CDH6: variants seen among roughly 807,000 people sequenced by gnomAD.
CDH6 encodes cadherin 6.
Under a neutral mutation model 78.0 loss-of-function variants are expected in CDH6, and 31 were observed. The ratio of observed to expected loss-of-function variants is 0.40; its 90% CI spans 0.30 to 0.54. The LOEUF (loss-of-function observed/expected upper bound fraction) is 0.54, where lower values mean the gene tolerates loss of function less well. Ranked by LOEUF, CDH6 falls within the 20% of genes least tolerant of loss-of-function variation. The probability of loss-of-function intolerance (pLI) is 0.56; values close to 1 mark genes in which losing one functional copy is unlikely to be tolerated. For synonymous variants in CDH6, 376 were observed against 368.8 expected (o/e 1.02, Z -0.23); for missense variants, 724 against 975.9 (o/e 0.74, Z 3.44).
At chr5:31,201,400 G>T (rs1030051638) in intron 1 of CDH6, among the ~76,000 whole-genome samples, 1 of 152,032 alleles carries the variant, frequency 6.6e-6, no homozygotes, top group African/African-American at 2.4e-5. Context: ...GAGACCCAAA[G>T]TTGTATCCAT....
At chr5:31,268,567 G>A (rs1162889228) in intron 2 of CDH6, among the ~76,000 whole-genome samples, 1 of 152,164 alleles carries the variant, frequency 6.6e-6, no homozygotes, top group East Asian at 1.9e-4. Flanking sequence ...CAGGTTCTGT[G>A]CCTCATAAGG....
chr5:31,293,318 G>A (rs1737467889), intron 2 of CDH6, among the ~76,000 whole-genome samples: 1 of 152,052 alleles, frequency 6.6e-6, no homozygotes, highest in African/African-American at 2.4e-5. Context: ...TCAAGGTATT[G>A]CCCTTGGCAG....
intron 1 of CDH6, among the ~76,000 whole-genome samples, chr5:31,258,872 AG>A (rs1742130593): frequency 6.6e-6 from 1 of 152,218 alleles, no homozygotes; most frequent in East Asian, 1.9e-4. Flanking sequence ...TCATGTGGGC[AG>A]CAGCCTGGCA....
intron 3 of CDH6, among the ~76,000 whole-genome samples, chr5:31,295,443 A>G (rs539949737): frequency 6.6e-6 from 1 of 152,298 alleles, no homozygotes; most frequent in Non-Finnish European, 1.5e-5. Flanking sequence ...GCACAACTCT[A>G]GGGAGTGCCA....
chr5:31,302,840 GAAAGAAAGAAAGAGAA>G (rs1737833556), intron 6 of CDH6, among the ~76,000 whole-genome samples: 4 of 134,612 alleles, frequency 3.0e-5, no homozygotes, highest in African/African-American at 1.1e-4. Context: ...AAGAAAGAAA[GAAAGAAAGAAAGAGAA>G]AGAAAGGAAG....
chr5:31,308,573 G>A lies in CDH6; in HGVS notation c.1253+3146G>A, dbSNP rs112437443. ...GATATAAATTTAAATTACCTTGGAA[G>A]GAAAAAACAACAAACAAGCAAGGCT... On this transcript the variant is annotated intron_variant, in intron 7 of 11. Coordinates refer to ENST00000265071, the MANE Select transcript of CDH6 (RefSeq NM_004932.4). Among the ~76,000 whole-genome samples, 1,500 of 152,054 alleles carry A rather than the reference G, an allele frequency of 9.9e-3. 30 individuals carry two copies. The highest frequency in any genetic ancestry group is 0.034 in the African/African-American group (1,429 of 41,502).
rs3840334 is a variant in CDH6, at chr5:31,325,321, TACAC to T, written c.*2044_*2047del. On this transcript the variant is annotated 3_prime_UTR_variant, in exon 12 of 12. Coordinates refer to ENST00000265071, the MANE Select transcript of CDH6 (RefSeq NM_004932.4). ...TTTTCTAGTTCTTCATACACACACA[TACAC>T]ACACACACACACACACACACACACA... 0.46 allele frequency: 100,680 copies of T among 220,796 alleles called. 17,176 individuals are homozygous for T. The highest frequency in any genetic ancestry group is 0.51 in the Non-Finnish European group (57,100 of 111,678). 13.7% of individuals were successfully genotyped at this position (220,796 alleles called of 1,614,324 possible).
intron 1 of CDH6, among the ~76,000 whole-genome samples, chr5:31,245,771 TAA>T (rs1481798543): frequency 6.6e-6 from 1 of 152,152 alleles, no homozygotes; most frequent in Non-Finnish European, 1.5e-5. Flanking sequence ...TCACTTAATC[TAA>T]AAGTTATCCA....
intron 7 of CDH6, among the ~76,000 whole-genome samples, chr5:31,308,666 A>G (rs1738062974): frequency 6.6e-6 from 1 of 152,154 alleles, no homozygotes; most frequent in Non-Finnish European, 1.5e-5. Context: ...AAATGTCCCA[A>G]TAAAAGGAAA....
chr5:31,317,504 CAA>C lies in CDH6; in HGVS notation c.1630+13_1630+14del, dbSNP rs1429208440. The C allele has an allele frequency of 6.4e-7, 1 of 1,561,066 alleles. No individual in the cohort carries two copies. Among genetic ancestry groups the C allele is most frequent in the Non-Finnish European group, 8.8e-7 (1 of 1,134,086 alleles). Reference sequence around the variant, plus strand: ...TCAAGACAACAAAGGTAAATGAGTTCAAGTTACCTTCTCTATCTATCTCCATC... The same window carrying C: ...TCAAGACAACAAAGGTAAATGAGTTCGTTACCTTCTCTATCTATCTCCATC... On this transcript the variant is annotated intron_variant, in intron 10 of 11. Coordinates refer to ENST00000265071, the MANE Select transcript of CDH6 (RefSeq NM_004932.4).
At chr5:31,280,953 T>A (rs1742847647) in intron 2 of CDH6, among the ~76,000 whole-genome samples, 2 of 151,782 alleles carry the variant, frequency 1.3e-5, no homozygotes, top group Admixed American at 1.3e-4. Flanking sequence ...TTTCCTAGAA[T>A]CATTTGCTAT....
At chr5:31,248,199 G>A (rs1382855557) in intron 1 of CDH6, among the ~76,000 whole-genome samples, 2 of 152,166 alleles carry the variant, frequency 1.3e-5, no homozygotes, top group Non-Finnish European at 2.9e-5. Context: ...TGAGTACGAT[G>A]TTTAACTGTT....
intron 1 of CDH6, among the ~76,000 whole-genome samples, chr5:31,225,726 C>A (rs906022373): frequency 1.1e-4 from 16 of 152,150 alleles, no homozygotes; most frequent in African/African-American, 3.1e-4. Flanking sequence ...TATCCTCCAA[C>A]AGTGGGGATT....
chr5:31,323,038 A>G lies in CDH6; in HGVS notation c.2103A>G (p.Arg701=). The change falls in exon 12 of 12, where the codon CGA becomes CGG. Residue 701 remains arginine (R), a synonymous_variant. Coordinates refer to ENST00000265071, the MANE Select transcript of CDH6 (RefSeq NM_004932.4). ...DIVPEALFLP[R]RTPTARDNTD... ...TGCCCGAAGCCCTTTTCCTACCCCG[A>G]CGGACTCCAACAGCTCGCGACAACA... is the stretch of plus-strand genomic sequence containing the variant. 1 of 1,614,140 alleles carries G rather than the reference A, an allele frequency of 6.2e-7. No homozygotes were observed. The highest frequency in any genetic ancestry group is 8.5e-7 in the Non-Finnish European group (1 of 1,180,026).
chr5:31,280,256 G>A lies in CDH6; in HGVS notation c.228+12555G>A, dbSNP rs549301764. On this transcript the variant is annotated intron_variant, in intron 2 of 11. Coordinates refer to ENST00000265071, the MANE Select transcript of CDH6 (RefSeq NM_004932.4). ...AGCAGAGTTTCATGGCAGAAAACTT[G>A]TAGTGAAGATAGGGAGCAATGATAA... 2.6e-5 allele frequency among the ~76,000 whole-genome samples: 4 copies of A among 152,312 alleles called. 1 individual carries two copies. In the South Asian group the frequency reaches 8.3e-4, roughly 32 times the overall value.
chr5:31,206,056 A>G (rs1740509210), intron 1 of CDH6, among the ~76,000 whole-genome samples: 1 of 152,150 alleles, frequency 6.6e-6, no homozygotes, highest in Non-Finnish European at 1.5e-5. Context: ...ACCCTTGAGA[A>G]CCCACATTGT....
At chr5:31,227,682 T>C (rs1719563120) in intron 1 of CDH6, among the ~76,000 whole-genome samples, 1 of 152,142 alleles carries the variant, frequency 6.6e-6, no homozygotes, top group Admixed American at 6.5e-5. Context: ...AATTTTATTC[T>C]GTAAAGAATC....
At chr5:31,249,417 TGTG>T (rs1484557272) in intron 1 of CDH6, 3 of 152,224 alleles carry the variant, frequency 2.0e-5, no homozygotes, top group Non-Finnish European at 2.9e-5. Flanking sequence ...AATCAACTGA[TGTG>T]GTGATGAAAT....
intron 1 of CDH6, among the ~76,000 whole-genome samples, chr5:31,258,435 A>G (rs756449301): frequency 6.6e-6 from 1 of 152,164 alleles, no homozygotes; most frequent in Non-Finnish European, 1.5e-5. Context: ...GGAGTTGAAC[A>G]ATGGGAACAC....
Sources: gnomAD v4.1 joint callset for allele counts (sites outside exome capture counted in the v4.1 genomes callset) on GRCh38, gnomAD v4.1.1 for gene constraint, MANE v1.5 for transcripts, NCBI Gene and HGNC (gene_info 2026-07-23, HGNC 2026-07-21) for gene names.